RERE: variants seen among roughly 807,000 people sequenced by gnomAD.
RERE encodes arginine-glutamic acid dipeptide repeats protein.
In RERE, 40 loss-of-function variants were observed where a neutral mutation model predicts 146.1. The observed-to-expected ratio is 0.27, with a 90% confidence interval of 0.21 to 0.36. The LOEUF is 0.36. Among genes scored for constraint, RERE ranks in the 10% least tolerant of loss-of-function variants. The pLI, the probability that RERE is intolerant of heterozygous loss-of-function variation, is 1.00. For synonymous variants in RERE, 1,003 were observed against 866.0 expected, an observed-to-expected ratio of 1.16 and a Z score of -2.78; for missense variants, 1,933 against 2,138.7, an observed-to-expected ratio of 0.90 and a Z score of 1.90.
Position 8,674,353 on chromosome 1 carries a change from T to TA in RERE, c.-144-17913dup, listed in dbSNP as rs202245231. 4.8e-3 allele frequency among the ~76,000 whole-genome samples: 738 copies of TA among 152,194 alleles called. 6 individuals carry two copies. Among genetic ancestry groups the TA allele is most frequent in the African/African-American group, 0.016 (671 of 41,530 alleles). ...GTAATACATACTTCTTTTTCAGGAT[T>TA]AAAAAAACAAAAAAACAGCTACGTC... On this transcript the variant is annotated intron_variant, in intron 1 of 22. Coordinates refer to ENST00000400908, the MANE Select transcript of RERE (RefSeq NM_001042681.2).
chr1:8,547,081 T>TC (rs1645872258), intron 6 of RERE, among the ~76,000 whole-genome samples: 1 of 110,148 alleles, frequency 9.1e-6, no homozygotes. Flanking sequence ...CAACAAGCTT[T>TC]TTTTTTAAAA....
At chr1:8,486,350 A>C (rs1341416253) in intron 10 of RERE, among the ~76,000 whole-genome samples, 1 of 152,184 alleles carries the variant, frequency 6.6e-6, no homozygotes, top group East Asian at 1.9e-4. Context: ...GTACTCTTTG[A>C]CCACTGAATT....
chr1:8,528,091 C>T (rs1197029150), intron 7 of RERE, among the ~76,000 whole-genome samples: 2 of 152,216 alleles, frequency 1.3e-5, no homozygotes, highest in African/African-American at 4.8e-5. Context: ...CTATCTGAAG[C>T]AGTGGAAAGG....
intron 11 of RERE, among the ~76,000 whole-genome samples, chr1:8,439,435 G>A (rs932646413): frequency 5.9e-5 from 9 of 152,106 alleles, no homozygotes; most frequent in African/African-American, 7.2e-5. Context: ...GGTGTGTGGA[G>A]GAATCAACTG....
At chr1:8,480,731 C>T (rs867509634) in intron 10 of RERE, among the ~76,000 whole-genome samples, 13 of 152,156 alleles carry the variant, frequency 8.5e-5, no homozygotes, top group Non-Finnish European at 1.2e-4. Flanking sequence ...CCACCGCATC[C>T]GGCCTAAGCC....
At chr1:8,374,859 C>T (rs921969892) in intron 12 of RERE, among the ~76,000 whole-genome samples, 1 of 152,174 alleles carries the variant, frequency 6.6e-6, no homozygotes, top group African/African-American at 2.4e-5. Flanking sequence ...TGGGTGAGCC[C>T]CTGAGCCCCA....
chr1:8,448,890 G>C (rs1275256659), intron 11 of RERE, among the ~76,000 whole-genome samples: 1 of 151,606 alleles, frequency 6.6e-6, no homozygotes, highest in Non-Finnish European at 1.5e-5. Context: ...AGAAGAACCA[G>C]AATTTCTTGT....
At chr1:8,407,825 C>A (rs995932693) in intron 12 of RERE, among the ~76,000 whole-genome samples, 1 of 152,198 alleles carries the variant, frequency 6.6e-6, no homozygotes, top group African/African-American at 2.4e-5. Context: ...AAACAGAGAA[C>A]CACAGGGAGG....
At chr1:8,816,236 T>C (rs982109672) in intron 1 of RERE, among the ~76,000 whole-genome samples, 7 of 151,724 alleles carry the variant, frequency 4.6e-5, no homozygotes, top group Admixed American at 2.0e-4. Flanking sequence ...TTACTAGTTA[T>C]CTTTTTTTGC....
chr1:8,671,408 C>T (rs1185628261), intron 1 of RERE, among the ~76,000 whole-genome samples: 1 of 152,096 alleles, frequency 6.6e-6, no homozygotes, highest in African/African-American at 2.4e-5. Context: ...ATGATGTTAC[C>T]AAATACTGCA....
At chr1:8,432,735 T>G (rs1185387278) in intron 11 of RERE, among the ~76,000 whole-genome samples, 1 of 152,202 alleles carries the variant, frequency 6.6e-6, no homozygotes, top group Non-Finnish European at 1.5e-5. Flanking sequence ...GCATGGGTAT[T>G]GTTTTTGGTC....
At chr1:8,469,813 G>A (rs1644656024) in intron 10 of RERE, among the ~76,000 whole-genome samples, 1 of 152,168 alleles carries the variant, frequency 6.6e-6, no homozygotes, top group South Asian at 2.1e-4. Flanking sequence ...AGCTGGAAGA[G>A]ATGCTTCCAC....
Position 8,466,080 on chromosome 1 carries a change from T to A in RERE, c.1105-57A>T, listed in dbSNP as rs537974052. 7 of 1,433,072 alleles carry A rather than the reference T, an allele frequency of 4.9e-6. No individual in the cohort carries two copies. In the East Asian group the frequency reaches 9.2e-5, roughly 19 times the overall value. 88.8% of individuals were successfully genotyped at this position (1,433,072 alleles called of 1,614,324 possible). A position where few individuals can be genotyped will look rare whatever the true frequency, so the allele number is the denominator to read the frequency against. ...GCACCAAATAACAGACAGGACACAA[T>A]CGATCCAAGGCAAGCTCCTCATTGA... On this transcript the variant is annotated intron_variant, in intron 10 of 22. Transcript: ENST00000400908.
At chr1:8,600,357 A>C (rs1570490691) in intron 4 of RERE, among the ~76,000 whole-genome samples, 1 of 152,232 alleles carries the variant, frequency 6.6e-6, no homozygotes, top group Non-Finnish European at 1.5e-5. Context: ...ATCAATTACC[A>C]TTTGCCAGCT....
chr1:8,675,841 G>A (rs918123443), intron 1 of RERE, among the ~76,000 whole-genome samples: 2 of 151,834 alleles, frequency 1.3e-5, no homozygotes, highest in African/African-American at 4.8e-5. Flanking sequence ...TCAAATTTTA[G>A]GTATTTTCAG....
chr1:8,569,479 G>A (rs1212670829), intron 4 of RERE, among the ~76,000 whole-genome samples: 1 of 152,098 alleles, frequency 6.6e-6, no homozygotes, highest in African/African-American at 2.4e-5. Context: ...AAGAAAGGGT[G>A]GGGAATTTCT....
At chr1:8,510,838 A>G (rs1645325476) in intron 7 of RERE, among the ~76,000 whole-genome samples, 1 of 152,202 alleles carries the variant, frequency 6.6e-6, no homozygotes, top group South Asian at 2.1e-4. Flanking sequence ...GTTACTCTGG[A>G]GTTCTCCAGT....
chr1:8,614,113 C>T (rs560645138), intron 4 of RERE, among the ~76,000 whole-genome samples: 3 of 152,252 alleles, frequency 2.0e-5, no homozygotes, highest in African/African-American at 7.2e-5. Flanking sequence ...AGAAAAGCCT[C>T]GCTATTTCTG....
At chr1:8,527,675 T>G (rs536845095) in intron 7 of RERE, among the ~76,000 whole-genome samples, 1 of 152,208 alleles carries the variant, frequency 6.6e-6, no homozygotes, top group Non-Finnish European at 1.5e-5. Flanking sequence ...GATAATGGAT[T>G]CCAATGGTGG....
Sources: gnomAD v4.1 joint callset for allele counts (sites outside exome capture counted in the v4.1 genomes callset) on GRCh38, gnomAD v4.1.1 for gene constraint, MANE v1.5 for transcripts, NCBI Gene and HGNC (gene_info 2026-07-23, HGNC 2026-07-21) for gene names.